APP: variants seen among roughly 807,000 people sequenced by gnomAD.
The protein encoded by APP is amyloid beta precursor protein.
APP carries 31 observed loss-of-function variants against 101.4 expected under a neutral mutation model. That is an observed-to-expected ratio of 0.31 (90% CI 0.23 to 0.41). The LOEUF (loss-of-function observed/expected upper bound fraction) is 0.41, where lower values mean the gene tolerates loss of function less well. Ranked by LOEUF, APP falls within the 10% of genes least tolerant of loss-of-function variation. The pLI is 1.00. For missense variants in APP, 839 were observed against 1,003.7 expected (o/e 0.84, Z 2.22); for synonymous variants, 366 against 364.4 (o/e 1.00, Z -0.05).
chr21:25,889,474 GC>G (rs1475476623), intron 17 of APP, among the ~76,000 whole-genome samples: 1 of 152,130 alleles, frequency 6.6e-6, no homozygotes, highest in Non-Finnish European at 1.5e-5. Flanking sequence ...CAAGTCTTTG[GC>G]CTCTGGCATC....
chr21:25,950,685 T>C (rs938607442), intron 13 of APP, among the ~76,000 whole-genome samples: 2 of 152,106 alleles, frequency 1.3e-5, no homozygotes, highest in Admixed American at 6.6e-5. Flanking sequence ...GGAACTTGCA[T>C]AGTTCCGAAA....
In APP at chr21:26,091,830, G is replaced by A. The variant is rs554647597; in HGVS notation, c.226-1758C>T. On this transcript the variant is annotated intron_variant, in intron 2 of 17. Coordinates refer to ENST00000346798, the MANE Select transcript of APP (RefSeq NM_000484.4). The stretch of plus-strand genomic sequence containing the variant: ...CCCACCTCTAGGGGCAACGCTGTGA[G>A]GATTTTGAGAAAAGAACTTCGACCT... Among the ~76,000 whole-genome samples the A allele has an allele frequency of 3.3e-5, 5 of 152,274 alleles. 1 individual carries two copies. In the South Asian group the frequency reaches 1.0e-3, roughly 32 times the overall value.
At position 25,996,304 on chromosome 21, in the gene APP, G is replaced by C. The variant is rs928617027; in HGVS notation, c.1090+1056C>G. Among the ~76,000 whole-genome samples the C allele has an allele frequency of 7.9e-5, 12 of 152,248 alleles. No homozygotes were observed. The East Asian group carries it at 2.1e-3, about 27-fold the overall frequency. ...ATGCCTTCTGGGAGAGGAGAAAGAG[G>C]GGTTCCTAATGTCTAAAAGTGACCC... is the stretch of plus-strand genomic sequence containing the variant. On this transcript the variant is annotated intron_variant, in intron 8 of 17. Transcript: ENST00000346798.
chr21:26,094,910 A>G (rs1159213232), intron 2 of APP, among the ~76,000 whole-genome samples: 1 of 151,882 alleles, frequency 6.6e-6, no homozygotes. Flanking sequence ...CAGTGGTGCA[A>G]TCTCAGCTCA....
At chr21:26,068,853 C>T (rs990421031) in intron 3 of APP, among the ~76,000 whole-genome samples, 1 of 152,212 alleles carries the variant, frequency 6.6e-6, no homozygotes. Flanking sequence ...GCCTCCTCCA[C>T]TCTTTCAATT....
chr21:25,898,103 A>T, intron 15 of APP: 1 of 184,190 alleles, frequency 5.4e-6, no homozygotes, highest in Non-Finnish European at 1.1e-5. Flanking sequence ...ATGAGCATTA[A>T]TTACCTGGTA....
chr21:26,079,093 A>T (rs1173574393), intron 3 of APP, among the ~76,000 whole-genome samples: 1 of 150,764 alleles, frequency 6.6e-6, no homozygotes, highest in South Asian at 2.1e-4. Flanking sequence ...CAAGATTTTT[A>T]TTTGCTTTGG....
intron 13 of APP, among the ~76,000 whole-genome samples, chr21:25,946,666 C>CAAAAAT (rs71183535): frequency 0.089 from 13,329 of 149,340 alleles, 758 homozygotes; most frequent in African/African-American, 0.14. Context: ...ACTCTGTCTC[C>CAAAAAT]AAAAATAAAA....
chr21:26,081,821 A>G (rs1317046656), intron 3 of APP, among the ~76,000 whole-genome samples: 1 of 152,216 alleles, frequency 6.6e-6, no homozygotes, highest in Non-Finnish European at 1.5e-5. Flanking sequence ...CTTGTTCTCT[A>G]GCAGATTCTA....
At chr21:26,124,059 A>C (rs959347103) in intron 1 of APP, among the ~76,000 whole-genome samples, 1 of 151,928 alleles carries the variant, frequency 6.6e-6, no homozygotes, top group Non-Finnish European at 1.5e-5. Flanking sequence ...ACTCTTTAGC[A>C]CTGGCCTGAC....
chr21:26,052,742 C>A lies in APP; in HGVS notation c.468+494G>T, dbSNP rs189898266. On this transcript the variant is annotated intron_variant, in intron 4 of 17. Coordinates refer to ENST00000346798, the MANE Select transcript of APP (RefSeq NM_000484.4). ...ATAAAAAAGCTACTTCACTGTTCTACCACTGTATTCACTAATAGATAACAG... is the reference window on the plus strand; with the variant it reads ...ATAAAAAAGCTACTTCACTGTTCTAACACTGTATTCACTAATAGATAACAG... Among the ~76,000 whole-genome samples the A allele has an allele frequency of 6.6e-5, 10 of 152,216 alleles. No homozygotes were observed. In the East Asian group the frequency reaches 1.9e-3, roughly 29 times the overall value.
chr21:25,934,249 C>CTTT (rs1177437581), intron 13 of APP: 1 of 149,474 alleles, frequency 6.7e-6, no homozygotes, highest in African/African-American at 2.5e-5. Flanking sequence ...CAACACCTTG[C>CTTT]TTTAGGACTT....
At chr21:25,961,030 GA>G (rs2041557193) in intron 11 of APP, among the ~76,000 whole-genome samples, 1 of 152,046 alleles carries the variant, frequency 6.6e-6, no homozygotes, top group Non-Finnish European at 1.5e-5. Flanking sequence ...GGTGTAAAAA[GA>G]AAATAATTCT....
At chr21:26,019,486 G>A (rs1369110192) in intron 6 of APP, among the ~76,000 whole-genome samples, 1 of 152,114 alleles carries the variant, frequency 6.6e-6, no homozygotes, top group Non-Finnish European at 1.5e-5. Context: ...TCGGAGGCAG[G>A]TTCTGTGTTC....
intron 11 of APP, among the ~76,000 whole-genome samples, chr21:25,967,365 C>T (rs981536145): frequency 6.6e-6 from 1 of 152,140 alleles, no homozygotes; most frequent in Non-Finnish European, 1.5e-5. Flanking sequence ...AAAATGTTTC[C>T]TAATTCTCAC....
chr21:25,991,443 T>C (rs1481494908), intron 8 of APP, among the ~76,000 whole-genome samples: 1 of 152,160 alleles, frequency 6.6e-6, no homozygotes, highest in Non-Finnish European at 1.5e-5. Flanking sequence ...GATGGTGTGA[T>C]CTCAGCTCAC....
chr21:26,151,384 C>A (rs141124596), intron 1 of APP, among the ~76,000 whole-genome samples: 1 of 152,198 alleles, frequency 6.6e-6, no homozygotes, highest in Non-Finnish European at 1.5e-5. Flanking sequence ...TCTGCCTACA[C>A]GAGCAATCAC....
chr21:25,955,511 G>T, intron 12 of APP, 116 bp downstream of exon 12: 2 of 1,448,914 alleles, frequency 1.4e-6, no homozygotes, highest in South Asian at 1.2e-5. Flanking sequence ...AAGAGCTCTT[G>T]CCATAGGGAA....
At chr21:25,935,603 A>G (rs2040325972) in intron 13 of APP, among the ~76,000 whole-genome samples, 1 of 152,140 alleles carries the variant, frequency 6.6e-6, no homozygotes, top group South Asian at 2.1e-4. Context: ...ACACTTTGCG[A>G]GGCCGAGGCG....
Sources: gnomAD v4.1 joint callset for allele counts (sites outside exome capture counted in the v4.1 genomes callset) on GRCh38, gnomAD v4.1.1 for gene constraint, MANE v1.5 for transcripts, NCBI Gene and HGNC (gene_info 2026-07-23, HGNC 2026-07-21) for gene names.